The following ALKBH3 variants were observed in gnomAD, a reference collection of about 807,000 sequenced individuals.
ALKBH3 encodes alkB homolog 3, alpha-ketoglutarate dependent dioxygenase.
ALKBH3 carries 51 observed loss-of-function variants against 43.9 expected under a neutral mutation model. That is an observed-to-expected ratio of 1.16 (90% CI 0.93 to 1.47). The LOEUF is 1.47. Among genes scored for constraint, ALKBH3 ranks in the 40% most tolerant of loss-of-function variants. The pLI is 0.00. For missense variants in ALKBH3, 361 were observed against 351.9 expected, an observed-to-expected ratio of 1.03 and a Z score of -0.21; for synonymous variants, 102 against 115.2, an observed-to-expected ratio of 0.89 and a Z score of 0.73.
intron 8 of ALKBH3, among the ~76,000 whole-genome samples, chr11:43,906,104 G>GC (rs1373682741): frequency 1.3e-5 from 2 of 152,194 alleles, no homozygotes; most frequent in African/African-American, 4.8e-5. Context: ...GGGTGATTGA[G>GC]CTACAGCAAG....
intron 6 of ALKBH3, 23 bp from the exon 7 acceptor site, chr11:43,892,018 A>G: frequency 6.4e-7 from 1 of 1,569,742 alleles, no homozygotes; most frequent in Non-Finnish European, 8.8e-7. Flanking sequence ...AACCATTTCA[A>G]AGGCCTGTAT....
chr11:43,882,753 G>C (rs759057079), intron 2 of ALKBH3, 22 bp downstream of exon 2: 1 of 1,593,172 alleles, frequency 6.3e-7, no homozygotes. Context: ...TAGGGATTTT[G>C]TGTGTGTGTG....
intron 8 of ALKBH3, chr11:43,909,147 G>A (rs554961595): frequency 6.6e-6 from 1 of 152,184 alleles, no homozygotes; most frequent in African/African-American, 2.4e-5. Context: ...TAAAATCTGT[G>A]TTTTTCTAGC....
intron 6 of ALKBH3, among the ~76,000 whole-genome samples, chr11:43,891,638 A>G (rs971460098): frequency 3.3e-5 from 5 of 152,182 alleles, no homozygotes; most frequent in African/African-American, 1.2e-4. Flanking sequence ...ATGAATGAGC[A>G]GTTTGTCTTG....
At chr11:43,908,822 T>C (rs948071425) in intron 8 of ALKBH3, among the ~76,000 whole-genome samples, 3 of 152,238 alleles carry the variant, frequency 2.0e-5, no homozygotes, top group African/African-American at 7.2e-5. Flanking sequence ...GGAAAGGCAG[T>C]AGTCCGCCTG....
chr11:43,898,750 T>C, intron 7 of ALKBH3: 1 of 730,504 alleles, frequency 1.4e-6, no homozygotes. Context: ...ACCCAGGGTA[T>C]TTCCTGTGCT....
At chr11:43,903,514 G>A (rs1028568260) in intron 8 of ALKBH3, among the ~76,000 whole-genome samples, 2 of 152,200 alleles carry the variant, frequency 1.3e-5, no homozygotes, top group Non-Finnish European at 2.9e-5. Flanking sequence ...AGCAGTGAAT[G>A]AGTAAGATGA....
rs200278238 is a variant in ALKBH3 at position 43,889,753 on chromosome 11, G to A, written c.295G>A (p.Val99Met). Residue 99 changes from valine (V) to methionine (M), a missense_variant, in exon 6 of 10, where the codon GTG becomes ATG. Physicochemically the swap from Val to Met is conservative, Grantham distance 21. Coordinates refer to ENST00000302708, the MANE Select transcript of ALKBH3 (RefSeq NM_139178.4). ...CTGTTTGTATCCTGGCTTTGTTGAC[G>A]TGAAAGAAGCTGACTGGATATTGGA... ...RVCLYPGFVD[V>M]KEADWILEQL... The A allele has an allele frequency of 2.9e-5, 46 of 1,613,902 alleles. No individual in the cohort carries two copies. The highest frequency in any genetic ancestry group is 3.5e-5 in the Non-Finnish European group (41 of 1,180,004).
At chr11:43,909,270 A>G (rs1235721048) in intron 8 of ALKBH3, 1 of 152,248 alleles carries the variant, frequency 6.6e-6, no homozygotes, top group Non-Finnish European at 1.5e-5. Context: ...AGTCAGCAGA[A>G]TAACTCTGCA....
intron 7 of ALKBH3, among the ~76,000 whole-genome samples, chr11:43,900,468 C>T (rs776341343): frequency 5.9e-5 from 9 of 151,968 alleles, no homozygotes; most frequent in Non-Finnish European, 1.3e-4. Flanking sequence ...GTGATCCACC[C>T]GCCTCGGCCT....
intron 8 of ALKBH3, 135 bp downstream of exon 8, chr11:43,901,860 T>A: frequency 1.9e-6 from 2 of 1,063,558 alleles, no homozygotes; most frequent in Non-Finnish European, 2.7e-6. Context: ...TTCAAGTGAC[T>A]ACTTCCCCAT....
Position 43,882,832 on chromosome 11 carries a change from A to G in ALKBH3, c.79+101A>G, listed in dbSNP as rs1951721266. On this transcript the variant is annotated intron_variant, in intron 2 of 9. Transcript: ENST00000302708. ...TTATAATGGACTTCCATTTCAATTG[A>G]CGTCAAGGAATTGTTTAAAATGTGG... The G allele has an allele frequency of 1.7e-5, 22 of 1,265,198 alleles. No individual in the cohort carries two copies. In the South Asian group the frequency reaches 3.2e-4, roughly 19 times the overall value. 78.4% of individuals were successfully genotyped at this position (1,265,198 alleles called of 1,614,324 possible).
chr11:43,885,945 T>G (rs1306801295), intron 4 of ALKBH3, among the ~76,000 whole-genome samples: 1 of 152,160 alleles, frequency 6.6e-6, no homozygotes, highest in East Asian at 1.9e-4. Flanking sequence ...AATGAGAGTT[T>G]TCCACTGGAC....
chr11:43,919,784 C>A, intron 9 of ALKBH3, 134 bp from the exon 10 acceptor site: 1 of 831,072 alleles, frequency 1.2e-6, no homozygotes, highest in South Asian at 1.7e-5. Context: ...CACAAGACTT[C>A]AAAGAGCTTA....
chr11:43,905,150 G>C (rs1457723521), intron 8 of ALKBH3, among the ~76,000 whole-genome samples: 1 of 152,200 alleles, frequency 6.6e-6, no homozygotes, highest in Non-Finnish European at 1.5e-5. Flanking sequence ...CTTTCAAAGA[G>C]AAATAGTCTT....
At chr11:43,907,675 G>T (rs1951905435) in intron 8 of ALKBH3, among the ~76,000 whole-genome samples, 1 of 152,144 alleles carries the variant, frequency 6.6e-6, no homozygotes, top group South Asian at 2.1e-4. Context: ...AGGCAGAGAA[G>T]AGCAAAGTGT....
rs1311503021 is a variant in ALKBH3, at chr11:43,897,621, G to A, written c.460-3895G>A. 4 of 883,122 alleles carry A rather than the reference G, an allele frequency of 4.5e-6. No homozygotes were observed. The Admixed American group carries it at 6.8e-5, about 15-fold the overall frequency. 54.7% of individuals were successfully genotyped at this position (883,122 alleles called of 1,614,324 possible). ...TGAAGATGGGGCTGTTCATGTCATTGAAAGGCGCTGCAAGCTGGATGTAGA... is the reference window on the plus strand; with the variant it reads ...TGAAGATGGGGCTGTTCATGTCATTAAAAGGCGCTGCAAGCTGGATGTAGA... On this transcript the variant is annotated intron_variant, in intron 7 of 9. Transcript: ENST00000302708.
chr11:43,899,157 T>C, intron 7 of ALKBH3: 1 of 786,250 alleles, frequency 1.3e-6, no homozygotes, highest in Non-Finnish European at 2.3e-6. Flanking sequence ...CAAAAAGGAC[T>C]CCCTAGGGGC....
chr11:43,912,904 T>C (rs1951951084), intron 8 of ALKBH3, among the ~76,000 whole-genome samples: 1 of 152,180 alleles, frequency 6.6e-6, no homozygotes, highest in Non-Finnish European at 1.5e-5. Context: ...CTCCCAGCTC[T>C]ACACAAAGCA....
Sources: gnomAD v4.1 joint callset for allele counts (sites outside exome capture counted in the v4.1 genomes callset) on GRCh38, gnomAD v4.1.1 for gene constraint, MANE v1.5 for transcripts, NCBI Gene and HGNC (gene_info 2026-07-23, HGNC 2026-07-21) for gene names.